The following SCUBE2 variants were observed in gnomAD, a reference collection of about 807,000 sequenced individuals.
SCUBE2 encodes signal peptide, CUB and EGF-like domain-containing protein 2.
Under a neutral mutation model 125.9 loss-of-function variants are expected in SCUBE2, and 114 were observed. The observed-to-expected ratio is 0.91, with a 90% CI of 0.78 to 1.06. SCUBE2 has a LOEUF of 1.06. Among genes scored for constraint, SCUBE2 ranks in the 50% least tolerant of loss-of-function variants. SCUBE2 has a pLI of 0.00. For synonymous variants in SCUBE2, 459 were observed against 492.9 expected, an observed-to-expected ratio of 0.93 and a Z score of 0.91; for missense variants, 1,255 against 1,301.8, an observed-to-expected ratio of 0.96 and a Z score of 0.55.
At chr11:9,034,199 G>A (rs1856568855) in intron 16 of SCUBE2, among the ~76,000 whole-genome samples, 1 of 152,334 alleles carries the variant, frequency 6.6e-6, no homozygotes, top group African/African-American at 2.4e-5. Context: ...GAAGAACAGA[G>A]TGTTATTAAT....
intron 3 of SCUBE2, among the ~76,000 whole-genome samples, chr11:9,078,408 G>A (rs895062143): frequency 1.3e-5 from 2 of 152,240 alleles, no homozygotes; most frequent in African/African-American, 4.8e-5. Flanking sequence ...AAGGTCATAT[G>A]AGGGTTAAGT....
At chr11:9,050,522 C>T (rs1590064094) in intron 14 of SCUBE2, 84 bp downstream of exon 14, 3 of 1,024,244 alleles carry the variant, frequency 2.9e-6, no homozygotes, top group Admixed American at 1.7e-5. Flanking sequence ...CAGCCCCTGG[C>T]CCCCATGGAC....
At chr11:9,034,902 G>A (rs1258460091) in intron 16 of SCUBE2, among the ~76,000 whole-genome samples, 2 of 152,200 alleles carry the variant, frequency 1.3e-5, no homozygotes, top group Non-Finnish European at 2.9e-5. Flanking sequence ...AGGCAAGGCA[G>A]GAGAATTGCT....
Position 9,054,699 on chromosome 11 carries a change from G to GTATATATATA in SCUBE2, c.1208-941_1208-940insTATATATATA, listed in dbSNP as rs1491160291. On this transcript the variant is annotated intron_variant, in intron 10 of 22. Transcript: ENST00000649792. ...GATAACTGTCAGTAGCAAAGCACTA[G>GTATATATATA]TGTATATATATATATATATATATAT... Among the ~76,000 whole-genome samples, 353 of 44,638 alleles carry GTATATATATA rather than the reference G, an allele frequency of 7.9e-3. 53 individuals are homozygous for GTATATATATA. Among genetic ancestry groups the GTATATATATA allele is most frequent in the South Asian group, 0.022 (18 of 802 alleles). The allele number at this position is 44,638 out of a possible 152,430, so 29.3% of individuals were successfully genotyped here. A position where few individuals can be genotyped will look rare whatever the true frequency, so the allele number is the denominator to read the frequency against.
chr11:9,029,318 C>T (rs1186333555), intron 19 of SCUBE2, among the ~76,000 whole-genome samples: 1 of 152,208 alleles, frequency 6.6e-6, no homozygotes, highest in Non-Finnish European at 1.5e-5. Context: ...GTCCAGGGGT[C>T]TCCTCCCAAA....
intron 4 of SCUBE2, among the ~76,000 whole-genome samples, chr11:9,070,263 A>G (rs1453990425): frequency 6.6e-6 from 1 of 152,188 alleles, no homozygotes; most frequent in Non-Finnish European, 1.5e-5. Flanking sequence ...ACCTTGTAGT[A>G]TGATGGTGGG....
At chr11:9,053,583 C>T in intron 11 of SCUBE2, 54 bp downstream of exon 11, 4 of 1,601,296 alleles carry the variant, frequency 2.5e-6, no homozygotes, top group Non-Finnish European at 3.4e-6. Flanking sequence ...AGCTGCACTG[C>T]CTCTGGGCCA....
chr11:9,091,461 GGCAGCAGCA>G lies in SCUBE2; in HGVS notation c.59_67del (p.Leu20_Leu22del), dbSNP rs59844091. 151 of 1,222,982 alleles carry G rather than the reference GGCAGCAGCA, an allele frequency of 1.2e-4. No individual in the cohort carries two copies. Among genetic ancestry groups the G allele is most frequent in the Middle Eastern group, 1.2e-3 (4 of 3,348 alleles). The allele number at this position is 1,222,982 out of a possible 1,614,324, so 75.8% of individuals were successfully genotyped here. ...GGCCCCCGCCAGCAGCAGCAGTGGC[GGCAGCAGCA>G]GCAGCAGCAGCAGCACCGCCCAGGC... On this transcript the variant is annotated inframe_deletion, in exon 1 of 23. Transcript: ENST00000649792. This position sits in a 1 kb window ranked among gnomAD's most constrained non-coding sequence, Gnocchi z 8.5.
At chr11:9,055,161 C>T (rs537857950) in intron 10 of SCUBE2, among the ~76,000 whole-genome samples, 2 of 152,280 alleles carry the variant, frequency 1.3e-5, no homozygotes, top group East Asian at 3.9e-4. Flanking sequence ...GGAATCTGAA[C>T]CTGTATTCTC....
chr11:9,063,400 AAGG>A (rs2135650659), intron 7 of SCUBE2, among the ~76,000 whole-genome samples: 1 of 152,232 alleles, frequency 6.6e-6, no homozygotes, highest in South Asian at 2.1e-4. Context: ...GATCACTGGG[AAGG>A]AGGAGAAGAT....
At chr11:9,076,873 A>T (rs1318545186) in intron 3 of SCUBE2, among the ~76,000 whole-genome samples, 1 of 152,170 alleles carries the variant, frequency 6.6e-6, no homozygotes, top group Non-Finnish European at 1.5e-5. Flanking sequence ...CACATTCCAG[A>T]GGATGAGCCG....
chr11:9,062,654 G>C (rs762486365), intron 7 of SCUBE2, among the ~76,000 whole-genome samples: 8 of 152,074 alleles, frequency 5.3e-5, no homozygotes, highest in Non-Finnish European at 1.0e-4. Context: ...TCCTCAGGGG[G>C]ACAAGAAAAG....
At chr11:9,062,453 A>G (rs184214430) in intron 7 of SCUBE2, among the ~76,000 whole-genome samples, 43 of 152,356 alleles carry the variant, frequency 2.8e-4, no homozygotes, top group East Asian at 1.9e-3. Context: ...CCACAAATCA[A>G]TAGAATATCC....
chr11:9,048,890 G>A (rs1039220564), intron 14 of SCUBE2, among the ~76,000 whole-genome samples: 1 of 152,052 alleles, frequency 6.6e-6, no homozygotes, highest in Admixed American at 6.6e-5. Flanking sequence ...ACATTACAAG[G>A]ACATTCAAGC....
chr11:9,021,342 T>C (rs1855277212), intron 22 of SCUBE2, 145 bp from the exon 23 acceptor site: 2 of 544,810 alleles, frequency 3.7e-6, no homozygotes, highest in Non-Finnish European at 5.8e-6. Flanking sequence ...GATTTTTATC[T>C]TCTTTCCAGT....
In SCUBE2 at chr11:9,050,446, T is replaced by C; in HGVS notation, c.1639+160A>G. The C allele has an allele frequency of 4.8e-6, 3 of 629,996 alleles. No homozygotes were observed. The South Asian group carries it at 5.6e-5, about 12-fold the overall frequency. 39.0% of individuals were successfully genotyped at this position (629,996 alleles called of 1,614,324 possible). ...ATGCTAGGTTATGCTCTTCTTCCTC[T>C]TGGGATGAGTCCCTGGAAGTTGGGG... On this transcript the variant is annotated intron_variant, in intron 14 of 22. Coordinates refer to ENST00000649792, the MANE Select transcript of SCUBE2 (RefSeq NM_001367977.2).
chr11:9,089,859 C>A, intron 1 of SCUBE2, 30 bp from the exon 2 acceptor site: 1 of 1,608,750 alleles, frequency 6.2e-7, no homozygotes. Flanking sequence ...ACACCTGGTA[C>A]AGGCTCCCAG....
chr11:9,050,898 G>A (rs1566199784), intron 13 of SCUBE2, among the ~76,000 whole-genome samples, 188 bp from the exon 14 acceptor site: 1 of 152,152 alleles, frequency 6.6e-6, no homozygotes, highest in African/African-American at 2.4e-5. Context: ...GGGCCACCAG[G>A]AGCCTCCTAA....
chr11:9,065,806 G>C, intron 7 of SCUBE2, 85 bp downstream of exon 7: 2 of 1,161,570 alleles, frequency 1.7e-6, no homozygotes, highest in Non-Finnish European at 2.6e-6. Flanking sequence ...AGGGCATGTG[G>C]CTCCCAAGTT....
Sources: gnomAD v4.1 joint callset for allele counts (sites outside exome capture counted in the v4.1 genomes callset) on GRCh38, gnomAD v4.1.1 for gene constraint, Gnocchi (gnomAD v3.1) non-coding constraint, MANE v1.5 for transcripts, NCBI Gene and HGNC (gene_info 2026-07-23, HGNC 2026-07-21) for gene names.